Variants in DPP6 observed in about 807,000 individuals in gnomAD.
DPP6 encodes A-type potassium channel modulatory protein DPP6.
In DPP6, 69 loss-of-function variants were observed where a neutral mutation model predicts 122.6. The ratio of observed to expected loss-of-function variants is 0.56; its 90% CI spans 0.46 to 0.69. DPP6 has a LOEUF of 0.69. Ranked by LOEUF, DPP6 falls within the 30% of genes least tolerant of loss-of-function variation. The pLI is 0.00. For missense variants in DPP6, 928 were observed against 1,116.9 expected (o/e 0.83, Z 2.41); for synonymous variants, 418 against 433.1 (o/e 0.97, Z 0.43).
intron 2 of DPP6, among the ~76,000 whole-genome samples, chr7:154,454,341 A>C (rs981756764): frequency 2.0e-5 from 3 of 152,232 alleles, no homozygotes; most frequent in Non-Finnish European, 4.4e-5. Flanking sequence ...ACCACTGTTA[A>C]TGTTTCTGCC....
chr7:154,781,301 G>A (rs1328771303), intron 10 of DPP6, among the ~76,000 whole-genome samples: 1 of 152,114 alleles, frequency 6.6e-6, no homozygotes, highest in African/African-American at 2.4e-5. Context: ...CCTATTCACT[G>A]GGTGTCTTCA....
Position 154,553,586 on chromosome 7 carries a change from A to G in DPP6, c.552+12960A>G, listed in dbSNP as rs894564093. Among the ~76,000 whole-genome samples, 5 of 152,194 alleles carry G rather than the reference A, an allele frequency of 3.3e-5. No individual in the cohort carries two copies. The East Asian group carries it at 9.6e-4, about 29-fold the overall frequency. On this transcript the variant is annotated intron_variant, in intron 4 of 25. Coordinates refer to ENST00000377770, the MANE Select transcript of DPP6 (RefSeq NM_130797.4). ...TATTATTATTTTAAAACTCAGAAAA[A>G]AGAGGTTAAAAAACCTTTTACTAAG...
At chr7:153,824,903 G>T in the DPP6 span, among the ~76,000 whole-genome samples, 1 of 151,954 alleles carries the variant, frequency 6.6e-6, no homozygotes, top group Non-Finnish European at 1.5e-5. Context: ...CCAAAGTTTG[G>T]CTTCACCTTC....
In DPP6 at chr7:154,375,373, C is replaced by G. The variant is rs375723912; in HGVS notation, c.244-70841C>G. 9.2e-5 allele frequency among the ~76,000 whole-genome samples: 14 copies of G among 152,038 alleles called. No homozygotes were observed. The South Asian group carries it at 1.9e-3, about 20-fold the overall frequency. ...GTAGGAAATGGAGTGAGGCAGGACC[C>G]GGAAAGGCACCATGGCTGCAGATTT... On this transcript the variant is annotated intron_variant, in intron 1 of 25. Transcript: ENST00000377770.
At chr7:154,813,086 A>AT (rs11288303) in intron 16 of DPP6, among the ~76,000 whole-genome samples, 42,029 of 147,440 alleles carry the variant, frequency 0.29, 6,264 homozygotes, top group Admixed American at 0.35. Flanking sequence ...TAATTCCTCA[A>AT]TTTTTTTTTT....
chr7:154,031,526 A>G (rs969028073), intron 1 of DPP6, among the ~76,000 whole-genome samples: 1 of 152,006 alleles, frequency 6.6e-6, no homozygotes, highest in Admixed American at 6.5e-5. Flanking sequence ...CACAGTGGCA[A>G]TTGCAGATAT....
intron 8 of DPP6, among the ~76,000 whole-genome samples, chr7:154,751,794 G>A (rs533710622): frequency 5.3e-5 from 8 of 152,110 alleles, no homozygotes; most frequent in Non-Finnish European, 4.4e-5. Context: ...CAGCATCATC[G>A]TCCTCTGAGA....
In DPP6 at chr7:154,288,654, A is replaced by G. The variant is rs182894662; in HGVS notation, c.244-157560A>G. Reference sequence around the variant, plus strand: ...TGATTCATATAAAGCAATTTGATTTATACAATGAATCTCTCCAAGTTTTGC... The same window carrying G: ...TGATTCATATAAAGCAATTTGATTTGTACAATGAATCTCTCCAAGTTTTGC... On this transcript the variant is annotated intron_variant, in intron 1 of 25. Coordinates refer to ENST00000377770, the MANE Select transcript of DPP6 (RefSeq NM_130797.4). Among the ~76,000 whole-genome samples, 113 of 152,358 alleles carry G rather than the reference A, an allele frequency of 7.4e-4. 1 individual carries two copies. Among genetic ancestry groups the G allele is most frequent in the Non-Finnish European group, 1.3e-3 (86 of 68,038 alleles).
rs1807775952 is a variant in DPP6, at chr7:154,319,856, TG to T, written c.244-126356del. On this transcript the variant is annotated intron_variant, in intron 1 of 25. Coordinates refer to ENST00000377770, the MANE Select transcript of DPP6 (RefSeq NM_130797.4). ...CAATACAAAAATTAGCTGGGCATGG[TG>T]GTGGGTGCCTGTAATCCCAGCTACA... Among the ~76,000 whole-genome samples the T allele has an allele frequency of 2.0e-5, 3 of 151,672 alleles. No individual in the cohort carries two copies. The East Asian group carries it at 5.9e-4, about 30-fold the overall frequency.
intron 1 of DPP6, among the ~76,000 whole-genome samples, chr7:154,262,483 C>A (rs960055950): frequency 6.6e-6 from 1 of 151,926 alleles, no homozygotes; most frequent in Non-Finnish European, 1.5e-5. Flanking sequence ...CGTCTGCAAG[C>A]CAGGGAGAGA....
intron 1 of DPP6, among the ~76,000 whole-genome samples, chr7:154,236,512 C>A (rs568224466): frequency 2.6e-5 from 4 of 152,190 alleles, no homozygotes; most frequent in Middle Eastern, 3.4e-3. Flanking sequence ...AATTTCTTAG[C>A]CCCTGATGAA....
At chr7:154,841,263 G>A (rs528189806) in intron 16 of DPP6, among the ~76,000 whole-genome samples, 16 of 152,216 alleles carry the variant, frequency 1.1e-4, no homozygotes, top group East Asian at 9.7e-4. Flanking sequence ...GCCAGTGGGC[G>A]CTGTACCTTT....
Position 154,774,990 on chromosome 7 carries a change from G to A in DPP6, c.1136+2048G>A, listed in dbSNP as rs1172934288. Among the ~76,000 whole-genome samples, 3 of 152,220 alleles carry A rather than the reference G, an allele frequency of 2.0e-5. 1 individual carries two copies. The highest frequency in any genetic ancestry group is 4.4e-5 in the Non-Finnish European group (3 of 68,040). ...CTGACATTTGGGGCTCAGCAATTCA[G>A]TGCTGTAGGGGGCAGTCCTGTGTGC... On this transcript the variant is annotated intron_variant, in intron 10 of 25. Coordinates refer to ENST00000377770, the MANE Select transcript of DPP6 (RefSeq NM_130797.4).
chr7:154,669,439 C>T lies in DPP6; in HGVS notation c.760C>T (p.Leu254=), dbSNP rs1428085395. ...YAGWGPKGQQ[L]IFIFENNIYY... is the part of the protein sequence containing the mutation. ...AGGATGGGGCCCTAAAGGCCAACAG[C>T]TGGTAAGCCAATCAAGTTCAGTAAC... Residue 254 remains leucine (L), a splice_region_variant and synonymous_variant, in exon 7 of 26, where the codon CTG becomes TTG. Coordinates refer to ENST00000377770, the MANE Select transcript of DPP6 (RefSeq NM_130797.4). 5 of 1,552,550 alleles carry T rather than the reference C, an allele frequency of 3.2e-6. 1 individual carries two copies. In the South Asian group the frequency reaches 6.0e-5, roughly 19 times the overall value.
chr7:154,102,570 C>G lies in DPP6; in HGVS notation c.243+49507C>G, dbSNP rs192410604. Among the ~76,000 whole-genome samples, 323 of 152,202 alleles carry G rather than the reference C, an allele frequency of 2.1e-3. 2 individuals carry two copies. Among genetic ancestry groups the G allele is most frequent in the South Asian group, 7.9e-3 (38 of 4,814 alleles). On this transcript the variant is annotated intron_variant, in intron 1 of 25. Transcript: ENST00000377770. ...AATGGCCACTTCATTCTTCCATGTG[C>G]GTTTTTCCTTGTTCTCAAGTTGTCT... is the stretch of plus-strand genomic sequence containing the variant.
At chr7:154,115,724 C>T (rs531761809) in intron 1 of DPP6, among the ~76,000 whole-genome samples, 153 of 152,274 alleles carry the variant, frequency 1.0e-3, no homozygotes, top group African/African-American at 3.4e-3. Context: ...GGATTCTTCA[C>T]ATTTGGTTGG....
chr7:154,696,476 G>A (rs994069164), intron 7 of DPP6, among the ~76,000 whole-genome samples: 2 of 152,160 alleles, frequency 1.3e-5, no homozygotes, highest in African/African-American at 4.8e-5. Flanking sequence ...TAGGTTATAG[G>A]ACCCTCCTAA....
At chr7:154,744,549 C>G (rs1487826637) in intron 8 of DPP6, among the ~76,000 whole-genome samples, 1 of 152,176 alleles carries the variant, frequency 6.6e-6, no homozygotes, top group Non-Finnish European at 1.5e-5. Context: ...TAACACAGCT[C>G]TGATTAGTGA....
At chr7:154,318,550 A>T (rs10275513) in intron 1 of DPP6, among the ~76,000 whole-genome samples, 79,050 of 152,032 alleles carry the variant, frequency 0.52, 22,233 homozygotes, top group East Asian at 0.64. Flanking sequence ...CACTGATAAA[A>T]CTTCTTGGAA....
Sources: gnomAD v4.1 joint callset for allele counts (sites outside exome capture counted in the v4.1 genomes callset) on GRCh38, gnomAD v4.1.1 for gene constraint, MANE v1.5 for transcripts, NCBI Gene and HGNC (gene_info 2026-07-23, HGNC 2026-07-21) for gene names.